SCHIP1: variants seen among roughly 807,000 people sequenced by gnomAD.
SCHIP1 encodes the protein schwannomin-interacting protein 1.
A neutral mutation model predicts 29.7 loss-of-function variants in SCHIP1; 8 were observed. The ratio of observed to expected loss-of-function variants is 0.27; its 90% CI spans 0.16 to 0.49. The LOEUF is 0.49. Among genes scored for constraint, SCHIP1 ranks in the 20% least tolerant of loss-of-function variants. SCHIP1 has a pLI of 0.99. For missense variants in SCHIP1, 193 were observed against 294.6 expected (o/e 0.66, Z 2.52); for synonymous variants, 76 against 94.9 (o/e 0.80, Z 1.16).
chr3:159,381,286 A>C, the SCHIP1 span, among the ~76,000 whole-genome samples: 1 of 152,164 alleles, frequency 6.6e-6, no homozygotes, highest in Non-Finnish European at 1.5e-5. Flanking sequence ...TGTAACCCTG[A>C]TGCACAGATC....
At chr3:159,557,625 G>A in the SCHIP1 span, among the ~76,000 whole-genome samples, 260 of 152,198 alleles carry the variant, frequency 1.7e-3, 1 homozygote, top group East Asian at 0.025. Flanking sequence ...AGATAAGCCT[G>A]GGCAACATAG....
the SCHIP1 span, among the ~76,000 whole-genome samples, chr3:159,470,238 T>C: frequency 6.6e-6 from 1 of 152,130 alleles, no homozygotes; most frequent in Non-Finnish European, 1.5e-5. Flanking sequence ...AATGATATGG[T>C]CATCATTATT....
the SCHIP1 span, among the ~76,000 whole-genome samples, chr3:159,361,669 A>G: frequency 6.6e-6 from 1 of 152,250 alleles, no homozygotes; most frequent in Non-Finnish European, 1.5e-5. Flanking sequence ...AATCAACTGC[A>G]GTAATCCAGG....
At chr3:159,613,143 CAA>C in the SCHIP1 span, among the ~76,000 whole-genome samples, 1 of 152,026 alleles carries the variant, frequency 6.6e-6, no homozygotes, top group Non-Finnish European at 1.5e-5. Context: ...TGATAAATAA[CAA>C]AAAAATTGAT....
the SCHIP1 span, among the ~76,000 whole-genome samples, chr3:159,734,974 AC>A: frequency 5.5e-4 from 83 of 151,570 alleles, no homozygotes; most frequent in Non-Finnish European, 5.9e-4. Flanking sequence ...CTAATCATCA[AC>A]CAGTCTCACT....
chr3:159,502,426 C>T, the SCHIP1 span, among the ~76,000 whole-genome samples: 1 of 152,164 alleles, frequency 6.6e-6, no homozygotes, highest in Non-Finnish European at 1.5e-5. Context: ...CAAATCCAAT[C>T]GAGTCCTACA....
At chr3:159,394,597 G>C in the SCHIP1 span, among the ~76,000 whole-genome samples, 3 of 152,164 alleles carry the variant, frequency 2.0e-5, no homozygotes, top group South Asian at 6.2e-4. Context: ...CTTTGGCTCT[G>C]TTTATATGCT....
the SCHIP1 span, among the ~76,000 whole-genome samples, chr3:159,589,955 G>A: frequency 6.6e-6 from 1 of 152,150 alleles, no homozygotes; most frequent in African/African-American, 2.4e-5. Context: ...GAGTAGGGTG[G>A]CTAGATAAAA....
chr3:159,358,715 C>T, the SCHIP1 span, among the ~76,000 whole-genome samples: 1 of 152,076 alleles, frequency 6.6e-6, no homozygotes, highest in Non-Finnish European at 1.5e-5. Context: ...AAAACTGGAC[C>T]TAACTACAGT....
At chr3:159,338,332 A>G in the SCHIP1 span, among the ~76,000 whole-genome samples, 2 of 152,228 alleles carry the variant, frequency 1.3e-5, no homozygotes, top group African/African-American at 2.4e-5. Flanking sequence ...CAAACCCTGC[A>G]GAAACCTCTG....
At chr3:159,281,966 C>A in the SCHIP1 span, among the ~76,000 whole-genome samples, 1 of 151,924 alleles carries the variant, frequency 6.6e-6, no homozygotes, top group African/African-American at 2.4e-5. Flanking sequence ...ATATTTTCAA[C>A]ATTTTTCACT....
At chr3:159,793,289 T>C in the SCHIP1 span, among the ~76,000 whole-genome samples, 1 of 152,176 alleles carries the variant, frequency 6.6e-6, no homozygotes, top group Non-Finnish European at 1.5e-5. Context: ...TCCTAGGTAG[T>C]TTTAACATGC....
the SCHIP1 span, among the ~76,000 whole-genome samples, chr3:159,678,756 T>C: frequency 3.3e-5 from 5 of 152,356 alleles, no homozygotes; most frequent in South Asian, 4.1e-4. Flanking sequence ...CAGTTCCACA[T>C]GGCCGGGGAG....
chr3:159,545,281 A>G, the SCHIP1 span, among the ~76,000 whole-genome samples: 6 of 152,076 alleles, frequency 3.9e-5, no homozygotes, highest in Non-Finnish European at 7.4e-5. Flanking sequence ...GGAGATTAAC[A>G]TTTGAGTCAG....
the SCHIP1 span, among the ~76,000 whole-genome samples, chr3:159,733,825 G>A: frequency 6.6e-6 from 1 of 152,172 alleles, no homozygotes; most frequent in Non-Finnish European, 1.5e-5. Context: ...TGATGGATGG[G>A]CAAAGTGGTG....
chr3:159,652,123 C>T, the SCHIP1 span, among the ~76,000 whole-genome samples: 4 of 151,910 alleles, frequency 2.6e-5, no homozygotes, highest in Non-Finnish European at 4.4e-5. Context: ...AAAATTGCTA[C>T]CATGTGCTTT....
At chr3:159,511,639 C>T in the SCHIP1 span, among the ~76,000 whole-genome samples, 4 of 151,946 alleles carry the variant, frequency 2.6e-5, no homozygotes, top group East Asian at 1.9e-4. Context: ...ATTTTAACAG[C>T]GTGGTTTCAG....
chr3:159,604,239 G>T, the SCHIP1 span, among the ~76,000 whole-genome samples: 2 of 152,174 alleles, frequency 1.3e-5, no homozygotes, highest in African/African-American at 4.8e-5. Context: ...TGTCTTTTCT[G>T]TGCTGTGTGC....
chr3:159,609,822 A>C, the SCHIP1 span, among the ~76,000 whole-genome samples: 1 of 151,948 alleles, frequency 6.6e-6, no homozygotes, highest in African/African-American at 2.4e-5. Flanking sequence ...CACTGATATG[A>C]TTACATTCTG....
Sources: gnomAD v4.1 joint callset for allele counts (sites outside exome capture counted in the v4.1 genomes callset) on GRCh38, gnomAD v4.1.1 for gene constraint, MANE v1.5 for transcripts, NCBI Gene and HGNC (gene_info 2026-07-23, HGNC 2026-07-21) for gene names.